The following RANBP17 variants were observed in gnomAD, a reference collection of about 807,000 sequenced individuals.
The protein encoded by RANBP17 is ran-binding protein 17.
RANBP17 carries 158 observed loss-of-function variants against 141.2 expected under a neutral mutation model. The ratio of observed to expected loss-of-function variants is 1.12; its 90% CI spans 0.98 to 1.28. RANBP17 has a LOEUF of 1.28. Ranked by LOEUF, RANBP17 falls within the 50% of genes most tolerant of loss-of-function variation. RANBP17 has a pLI of 0.00. For synonymous variants in RANBP17, 430 were observed against 450.0 expected, an observed-to-expected ratio of 0.96 and a Z score of 0.56; for missense variants, 1,438 against 1,290.7, an observed-to-expected ratio of 1.11 and a Z score of -1.75.
At chr5:171,041,544 A>G (rs993284881) in intron 14 of RANBP17, among the ~76,000 whole-genome samples, 2 of 152,152 alleles carry the variant, frequency 1.3e-5, no homozygotes, top group Non-Finnish European at 2.9e-5. Context: ...TGGAAACGTC[A>G]GGAACTGTTC....
At chr5:171,247,235 T>C (rs1765261957) in intron 24 of RANBP17, among the ~76,000 whole-genome samples, 1 of 152,178 alleles carries the variant, frequency 6.6e-6, no homozygotes, top group Admixed American at 6.5e-5. Context: ...GCTAGAGGCC[T>C]GGTAGAGATT....
intron 14 of RANBP17, among the ~76,000 whole-genome samples, chr5:170,990,680 G>A (rs1778443145): frequency 6.6e-6 from 1 of 151,992 alleles, no homozygotes; most frequent in Non-Finnish European, 1.5e-5. Context: ...TGCTGTGCAC[G>A]AGAAATTAGA....
intron 25 of RANBP17, among the ~76,000 whole-genome samples, chr5:171,288,444 G>A (rs1768297362): frequency 6.6e-6 from 1 of 152,208 alleles, no homozygotes; most frequent in South Asian, 2.1e-4. Context: ...AGGTCGTACA[G>A]CCTCAGCCAC....
At chr5:171,033,239 T>C (rs1781662170) in intron 14 of RANBP17, among the ~76,000 whole-genome samples, 1 of 152,068 alleles carries the variant, frequency 6.6e-6, no homozygotes, top group African/African-American at 2.4e-5. Context: ...TACTATACAT[T>C]TTGTTTACAG....
rs752805551 is a variant in RANBP17, at chr5:170,916,625, A to G, written c.954+41A>G. On this transcript the variant is annotated intron_variant, in intron 9 of 27. Transcript: ENST00000523189. ...TTTAATACTTAGCATATAGAGATACAGTTTTTCAGCTAAAGGCACATAATA... is the reference window on the plus strand; with the variant it reads ...TTTAATACTTAGCATATAGAGATACGGTTTTTCAGCTAAAGGCACATAATA... The G allele has an allele frequency of 9.7e-6, 13 of 1,340,226 alleles. 1 individual carries two copies. In the South Asian group the frequency reaches 1.9e-4, roughly 20 times the overall value. The allele number at this position is 1,340,226 out of a possible 1,614,324, so 83.0% of individuals were successfully genotyped here. A position where few individuals can be genotyped will look rare whatever the true frequency, so the allele number is the denominator to read the frequency against.
chr5:170,894,927 GT>G (rs1405132920), intron 4 of RANBP17, among the ~76,000 whole-genome samples: 2 of 152,138 alleles, frequency 1.3e-5, no homozygotes, highest in African/African-American at 4.8e-5. Context: ...TTTATAATCT[GT>G]TACATGCTCT....
At chr5:171,285,416 T>G (rs962006243) in intron 25 of RANBP17, among the ~76,000 whole-genome samples, 15 of 152,240 alleles carry the variant, frequency 9.9e-5, no homozygotes, top group Admixed American at 7.2e-4. Flanking sequence ...TAGGGGAAAG[T>G]GGCTTTGGAG....
chr5:171,156,143 C>T lies in RANBP17; in HGVS notation c.1711-13987C>T, dbSNP rs919784209. Reference sequence around the variant, plus strand: ...ATAAGCGGATGTTCCTTAATGTTTCCGAAATTACCTAGTTTCTATATCTTT... The same window carrying T: ...ATAAGCGGATGTTCCTTAATGTTTCTGAAATTACCTAGTTTCTATATCTTT... On this transcript the variant is annotated intron_variant, in intron 14 of 27. Coordinates refer to ENST00000523189, the MANE Select transcript of RANBP17 (RefSeq NM_022897.5). 9.9e-5 allele frequency among the ~76,000 whole-genome samples: 15 copies of T among 151,994 alleles called. No individual in the cohort carries two copies. In the South Asian group the frequency reaches 2.3e-3, roughly 23 times the overall value.
intron 13 of RANBP17, among the ~76,000 whole-genome samples, chr5:170,958,332 C>G (rs1775887136): frequency 6.6e-6 from 1 of 152,130 alleles, no homozygotes. Context: ...GTTTGTCTCT[C>G]TTTTCTGGGA....
At chr5:171,266,843 G>A (rs1766718097) in intron 25 of RANBP17, among the ~76,000 whole-genome samples, 1 of 151,800 alleles carries the variant, frequency 6.6e-6, no homozygotes, top group Non-Finnish European at 1.5e-5. Context: ...ACCTGGGGAG[G>A]CAGAGGTTGC....
At chr5:171,172,728 T>C (rs1322056286) in intron 16 of RANBP17, among the ~76,000 whole-genome samples, 1 of 151,852 alleles carries the variant, frequency 6.6e-6, no homozygotes, top group Non-Finnish European at 1.5e-5. Flanking sequence ...TTTTTTTAGG[T>C]TGAAATTGAT....
intron 5 of RANBP17, among the ~76,000 whole-genome samples, chr5:170,899,004 C>G (rs2127398345): frequency 6.6e-6 from 1 of 152,180 alleles, no homozygotes. Flanking sequence ...GCTATATGGG[C>G]TCTTTTTTGG....
intron 12 of RANBP17, among the ~76,000 whole-genome samples, chr5:170,949,855 A>G (rs1209441791): frequency 6.6e-6 from 1 of 152,228 alleles, no homozygotes; most frequent in Non-Finnish European, 1.5e-5. Context: ...ATGAAATGTG[A>G]TATATCCATA....
intron 14 of RANBP17, among the ~76,000 whole-genome samples, chr5:171,125,015 C>T (rs1581687230): frequency 6.6e-6 from 1 of 152,284 alleles, no homozygotes; most frequent in South Asian, 2.1e-4. Context: ...AAGGGATGGG[C>T]TGGGGGCGGT....
intron 22 of RANBP17, among the ~76,000 whole-genome samples, chr5:171,228,598 A>G (rs1286550059): frequency 6.6e-6 from 1 of 152,238 alleles, no homozygotes; most frequent in African/African-American, 2.4e-5. Context: ...CTGTGGGTCA[A>G]ATGCTAACAA....
intron 14 of RANBP17, among the ~76,000 whole-genome samples, chr5:171,148,530 C>T (rs576101836): frequency 6.6e-6 from 1 of 151,894 alleles, no homozygotes; most frequent in Non-Finnish European, 1.5e-5. Flanking sequence ...TTGATGCTAT[C>T]AGATACTTGT....
At chr5:171,022,082 G>A (rs1013002231) in intron 14 of RANBP17, among the ~76,000 whole-genome samples, 2 of 152,082 alleles carry the variant, frequency 1.3e-5, no homozygotes, top group East Asian at 1.9e-4. Flanking sequence ...TTTGCTGGGG[G>A]TTCACTTCAG....
At chr5:170,979,855 G>C (rs483337) in intron 14 of RANBP17, among the ~76,000 whole-genome samples, 138,289 of 152,288 alleles carry the variant, frequency 0.91, 62,983 homozygotes, top group African/African-American at 0.98. Context: ...TGAAAAGATA[G>C]CAGAAAATGT....
intron 14 of RANBP17, among the ~76,000 whole-genome samples, chr5:171,017,469 CATT>C (rs1241813843): frequency 1.3e-5 from 2 of 152,262 alleles, no homozygotes; most frequent in African/African-American, 2.4e-5. Context: ...TATGGTATCT[CATT>C]GTAGATTTGA....
Sources: gnomAD v4.1 joint callset for allele counts (sites outside exome capture counted in the v4.1 genomes callset) on GRCh38, gnomAD v4.1.1 for gene constraint, MANE v1.5 for transcripts, NCBI Gene and HGNC (gene_info 2026-07-23, HGNC 2026-07-21) for gene names.